Variants in ZBTB16 observed in about 807,000 individuals in gnomAD.
ZBTB16 encodes zinc finger and BTB domain containing 16, also known as zinc finger and BTB domain-containing protein 16.
Under a neutral mutation model 56.8 loss-of-function variants are expected in ZBTB16, and 8 were observed. The ratio of observed to expected loss-of-function variants is 0.14; its 90% CI spans 0.08 to 0.25. The LOEUF (loss-of-function observed/expected upper bound fraction) is 0.25. Ranked by LOEUF, ZBTB16 falls within the 10% of genes least tolerant of loss-of-function variation. ZBTB16 has a pLI of 1.00. For missense variants in ZBTB16, 625 were observed against 903.0 expected, an observed-to-expected ratio of 0.69 and a Z score of 3.95; for synonymous variants, 363 against 368.5, an observed-to-expected ratio of 0.98 and a Z score of 0.17.
intron 2 of ZBTB16, among the ~76,000 whole-genome samples, chr11:114,082,011 G>A (rs1401401318): frequency 2.6e-5 from 4 of 151,832 alleles, no homozygotes; most frequent in African/African-American, 9.7e-5. Flanking sequence ...GCTGGGTGCA[G>A]TGGCTCACAC....
At chr11:114,221,511 T>G (rs1236271739) in intron 4 of ZBTB16, among the ~76,000 whole-genome samples, 5 of 152,126 alleles carry the variant, frequency 3.3e-5, no homozygotes, top group African/African-American at 7.2e-5. Flanking sequence ...CTGGAAGCAT[T>G]TCAGTTAGAG....
chr11:114,215,820 G>A (rs1409547255), intron 4 of ZBTB16, among the ~76,000 whole-genome samples: 1 of 152,176 alleles, frequency 6.6e-6, no homozygotes, highest in African/African-American at 2.4e-5. Flanking sequence ...ACAGGTAGAT[G>A]TTGGGTACAA....
rs978883293 is a variant in ZBTB16 at position 114,063,194 on chromosome 11, C to T, written c.-90-17C>T. The T allele has an allele frequency of 1.6e-6, 2 of 1,265,846 alleles. No individual in the cohort carries two copies. Among genetic ancestry groups the T allele is most frequent in the African/African-American group, 1.5e-5 (1 of 67,514 alleles). The allele number at this position is 1,265,846 out of a possible 1,614,324, so 78.4% of individuals were successfully genotyped here. A position where few individuals can be genotyped will look rare whatever the true frequency, so the allele number is the denominator to read the frequency against. The stretch of plus-strand genomic sequence containing the variant: ...TTCTCTCATCTCTTTTGCTTCTTCC[C>T]CTCTTCTTTCTCCTAGCCTCCTCTA... On this transcript the variant is annotated splice_polypyrimidine_tract_variant and intron_variant, in intron 1 of 6. Coordinates refer to ENST00000335953, the MANE Select transcript of ZBTB16 (RefSeq NM_006006.6). The surrounding 1 kb of genome is among the most constrained non-coding windows in gnomAD (Gnocchi z 6.5).
At chr11:114,134,899 T>A (rs1218759173) in intron 2 of ZBTB16, among the ~76,000 whole-genome samples, 2 of 152,210 alleles carry the variant, frequency 1.3e-5, no homozygotes, top group Non-Finnish European at 2.9e-5. Flanking sequence ...TCAGATTAAT[T>A]CCAAAGCTAA....
chr11:114,198,825 C>T (rs1297332080), intron 4 of ZBTB16, among the ~76,000 whole-genome samples: 1 of 152,204 alleles, frequency 6.6e-6, no homozygotes, highest in Non-Finnish European at 1.5e-5. Flanking sequence ...TTTGGACAGA[C>T]ATGTAAGGAC....
chr11:114,237,521 G>A (rs567417720), intron 4 of ZBTB16, among the ~76,000 whole-genome samples: 17 of 152,354 alleles, frequency 1.1e-4, no homozygotes, highest in East Asian at 1.9e-4. Context: ...GGAGCAGAGC[G>A]TTCCAGTGCT....
In ZBTB16 at chr11:114,060,892, C is replaced by T. The variant is rs1938820216; in HGVS notation, c.-91+1010C>T. 6.6e-6 allele frequency among the ~76,000 whole-genome samples: 1 copy of T among 152,022 alleles called. No homozygotes were observed. The highest frequency in any genetic ancestry group is 1.5e-5 in the Non-Finnish European group (1 of 67,974). ...GGTCGGAGAGGGAGGGCGGGCAGACCCCTTCTCGCCTTTCCTCCCACAACT... is the reference window on the plus strand; with the variant it reads ...GGTCGGAGAGGGAGGGCGGGCAGACTCCTTCTCGCCTTTCCTCCCACAACT... On this transcript the variant is annotated intron_variant, in intron 1 of 6. Coordinates refer to ENST00000335953, the MANE Select transcript of ZBTB16 (RefSeq NM_006006.6). This position sits in a 1 kb window ranked among gnomAD's most constrained non-coding sequence, Gnocchi z 6.0.
chr11:114,084,030 C>T (rs1939877144), intron 2 of ZBTB16, among the ~76,000 whole-genome samples: 1 of 152,146 alleles, frequency 6.6e-6, no homozygotes, highest in Admixed American at 6.5e-5. Context: ...GGTGGAAGAA[C>T]CAGGCTCTCA....
At chr11:114,162,807 T>A (rs1254419147) in intron 3 of ZBTB16, among the ~76,000 whole-genome samples, 2 of 152,184 alleles carry the variant, frequency 1.3e-5, no homozygotes, top group East Asian at 3.9e-4. Context: ...GCATGGGTGA[T>A]GCGGATGCAG....
intron 3 of ZBTB16, among the ~76,000 whole-genome samples, chr11:114,157,998 G>C (rs928119200): frequency 1.3e-5 from 2 of 152,044 alleles, no homozygotes; most frequent in Non-Finnish European, 2.9e-5. Flanking sequence ...TGACACTCAC[G>C]TACACTTTTT....
intron 2 of ZBTB16, among the ~76,000 whole-genome samples, chr11:114,152,659 A>T (rs1942306367): frequency 6.6e-6 from 1 of 152,200 alleles, no homozygotes. Flanking sequence ...TGAGTATAGG[A>T]TGGAGATGCG....
chr11:114,242,946 T>C (rs536220358), intron 5 of ZBTB16, among the ~76,000 whole-genome samples: 28 of 152,146 alleles, frequency 1.8e-4, no homozygotes, highest in African/African-American at 6.7e-4. Flanking sequence ...CAGTTCCAGG[T>C]GATGGGACAA....
intron 2 of ZBTB16, among the ~76,000 whole-genome samples, chr11:114,131,672 C>G (rs190779559): frequency 3.2e-3 from 487 of 152,296 alleles, no homozygotes; most frequent in Non-Finnish European, 4.4e-3. Flanking sequence ...TAGCTCCCCC[C>G]CTTTTTTTCA....
intron 2 of ZBTB16, among the ~76,000 whole-genome samples, chr11:114,068,060 CAA>C (rs4020463): frequency 6.3e-5 from 7 of 111,344 alleles, no homozygotes; most frequent in Non-Finnish European, 5.2e-5. Flanking sequence ...AAAGCCAAGA[CAA>C]AAAAAAAAAA....
At chr11:114,204,223 G>T (rs572445073) in intron 4 of ZBTB16, among the ~76,000 whole-genome samples, 1 of 150,172 alleles carries the variant, frequency 6.7e-6, no homozygotes, top group Admixed American at 6.6e-5. Context: ...GCACGATCTC[G>T]GCTCACTGCC....
chr11:114,213,673 TAG>T (rs1289339533), intron 4 of ZBTB16, among the ~76,000 whole-genome samples: 2 of 152,236 alleles, frequency 1.3e-5, no homozygotes, highest in Non-Finnish European at 2.9e-5. Flanking sequence ...ACATCAGGGC[TAG>T]ACATAGGTAG....
intron 4 of ZBTB16, among the ~76,000 whole-genome samples, chr11:114,204,684 A>G (rs923989244): frequency 6.6e-6 from 1 of 152,120 alleles, no homozygotes; most frequent in Non-Finnish European, 1.5e-5. Context: ...GCTAACAGAG[A>G]TGCAGCTCAT....
At chr11:114,085,531 A>C (rs1196996193) in intron 2 of ZBTB16, among the ~76,000 whole-genome samples, 1 of 152,122 alleles carries the variant, frequency 6.6e-6, no homozygotes, top group Non-Finnish European at 1.5e-5. Flanking sequence ...TATATATATC[A>C]GACTGTATGA....
intron 3 of ZBTB16, among the ~76,000 whole-genome samples, chr11:114,168,133 C>G (rs892087901): frequency 3.9e-5 from 6 of 152,230 alleles, no homozygotes; most frequent in Admixed American, 2.6e-4. Flanking sequence ...TTTGTGTCCC[C>G]TATACTACCT....
Sources: gnomAD v4.1 joint callset for allele counts (sites outside exome capture counted in the v4.1 genomes callset) on GRCh38, gnomAD v4.1.1 for gene constraint, Gnocchi (gnomAD v3.1) non-coding constraint, MANE v1.5 for transcripts, NCBI Gene and HGNC (gene_info 2026-07-23, HGNC 2026-07-21) for gene names.